The following TENM2 variants were observed in gnomAD, a reference collection of about 807,000 sequenced individuals.
The protein encoded by TENM2 is teneurin transmembrane protein 2, also known as teneurin-2.
A neutral mutation model predicts 245.2 loss-of-function variants in TENM2; 52 were observed. That is an observed-to-expected ratio of 0.21 (90% CI 0.17 to 0.27). The LOEUF (loss-of-function observed/expected upper bound fraction) is 0.27, where lower values mean the gene tolerates loss of function less well. Among genes scored for constraint, TENM2 ranks in the 10% least tolerant of loss-of-function variants. TENM2 has a pLI of 1.00. For synonymous variants in TENM2, 1,363 were observed against 1,438.9 expected (o/e 0.95, Z 1.19); for missense variants, 3,046 against 3,666.8 (o/e 0.83, Z 4.37).
chr5:167,112,266 T>C, the TENM2 span, among the ~76,000 whole-genome samples: 8 of 152,220 alleles, frequency 5.3e-5, no homozygotes, highest in African/African-American at 1.7e-4. Flanking sequence ...TTTCTCCTTT[T>C]CACACACGGT....
chr5:167,504,215 C>A (rs1253568035), intron 2 of TENM2, among the ~76,000 whole-genome samples: 2 of 152,164 alleles, frequency 1.3e-5, no homozygotes, highest in Non-Finnish European at 2.9e-5. Flanking sequence ...TATTAGGCAA[C>A]TGGCATTATT....
At chr5:168,203,555 C>G in intron 17 of TENM2, 134 bp from the exon 20 acceptor site, 1 of 832,636 alleles carries the variant, frequency 1.2e-6, no homozygotes, top group East Asian at 2.9e-5. Context: ...ATCAGCCTGC[C>G]TCTTTGAGTG....
At chr5:167,972,953 C>G (rs537472535) in intron 4 of TENM2, among the ~76,000 whole-genome samples, 20 of 152,220 alleles carry the variant, frequency 1.3e-4, no homozygotes, top group African/African-American at 4.8e-4. Flanking sequence ...CATTCCCAGA[C>G]TGTGCTACAG....
rs1478540216 is a variant in TENM2 at position 167,841,058 on chromosome 5, C to A, written c.503-34928C>A. 6.7e-5 allele frequency among the ~76,000 whole-genome samples: 7 copies of A among 104,950 alleles called. No homozygotes were observed. The East Asian group carries it at 1.8e-3, about 28-fold the overall frequency. The allele number at this position is 104,950 out of a possible 152,430, so 68.9% of individuals were successfully genotyped here. ...TCATTTTTATGTAAAAATTGTCATC[C>A]TCATTTTTTTTTTTTGAGATGGGAG... On this transcript the variant is annotated intron_variant, in intron 2 of 28. Transcript: ENST00000518659.
intron 2 of TENM2, among the ~76,000 whole-genome samples, chr5:167,423,383 T>C (rs1159190725): frequency 1.3e-5 from 2 of 152,180 alleles, no homozygotes; most frequent in Non-Finnish European, 1.5e-5. Context: ...GTTGGTAAAC[T>C]GGGTTGATTT....
At chr5:167,674,105 C>T (rs897443171) in intron 2 of TENM2, among the ~76,000 whole-genome samples, 8 of 152,120 alleles carry the variant, frequency 5.3e-5, no homozygotes, top group Non-Finnish European at 8.8e-5. Context: ...ATTACATTCT[C>T]TTTAAAAGAG....
At chr5:167,907,420 C>G (rs1157849993) in intron 3 of TENM2, among the ~76,000 whole-genome samples, 1 of 149,936 alleles carries the variant, frequency 6.7e-6, no homozygotes, top group Non-Finnish European at 1.5e-5. Context: ...TCACTAATAA[C>G]ACTAACTGAT....
chr5:167,989,271 AG>A (rs1783483183), intron 4 of TENM2, among the ~76,000 whole-genome samples: 1 of 61,814 alleles, frequency 1.6e-5, no homozygotes, highest in Non-Finnish European at 2.9e-5. Context: ...ATAGAGAAAG[AG>A]AGAGAGAGAG....
At chr5:167,561,215 A>C (rs2127640609) in intron 2 of TENM2, among the ~76,000 whole-genome samples, 1 of 152,346 alleles carries the variant, frequency 6.6e-6, no homozygotes, top group Non-Finnish European at 1.5e-5. Context: ...AACCTGATGC[A>C]ACCTGATTAA....
At chr5:167,380,399 C>T (rs952754060) in intron 2 of TENM2, among the ~76,000 whole-genome samples, 2 of 152,056 alleles carry the variant, frequency 1.3e-5, no homozygotes, top group East Asian at 1.9e-4. Context: ...TAGAGGTTTA[C>T]GTTTTTGGCA....
At chr5:167,428,337 T>C (rs1764005150) in intron 2 of TENM2, among the ~76,000 whole-genome samples, 1 of 152,200 alleles carries the variant, frequency 6.6e-6, no homozygotes, top group Non-Finnish European at 1.5e-5. Context: ...AAATTTTAGT[T>C]AGGTAAATTT....
At chr5:167,583,903 T>C (rs1420074265) in intron 2 of TENM2, among the ~76,000 whole-genome samples, 1 of 152,206 alleles carries the variant, frequency 6.6e-6, no homozygotes, top group Non-Finnish European at 1.5e-5. Context: ...CTCCAGTTTG[T>C]CCCTGGCTAA....
chr5:167,627,013 C>T (rs1236246855), intron 2 of TENM2, among the ~76,000 whole-genome samples: 1 of 152,160 alleles, frequency 6.6e-6, no homozygotes, highest in African/African-American at 2.4e-5. Context: ...GGGAGCATAA[C>T]AATGACATGA....
At chr5:167,895,007 A>AGGG (rs1775100383) in intron 3 of TENM2, among the ~76,000 whole-genome samples, 18 of 126,886 alleles carry the variant, frequency 1.4e-4, no homozygotes, top group Non-Finnish European at 6.6e-5. Flanking sequence ...GGAAGGAAGG[A>AGGG]AGGGAGGGAG....
intron 13 of TENM2, among the ~76,000 whole-genome samples, chr5:168,176,092 A>G (rs1671860720): frequency 6.6e-6 from 1 of 152,142 alleles, no homozygotes; most frequent in Admixed American, 6.5e-5. Flanking sequence ...TGATTTCTTA[A>G]TAGCTTTCCA....
chr5:168,109,252 TATATGCTTTG>T (rs1196850584), intron 9 of TENM2, among the ~76,000 whole-genome samples: 6 of 152,160 alleles, frequency 3.9e-5, no homozygotes, highest in African/African-American at 1.2e-4. Flanking sequence ...GTGCACTTGG[TATATGCTTTG>T]CAGACAGCAA....
chr5:167,941,783 A>C (rs533709332), intron 3 of TENM2, among the ~76,000 whole-genome samples: 3 of 152,050 alleles, frequency 2.0e-5, no homozygotes, highest in Admixed American at 6.6e-5. Flanking sequence ...GAGCCCAGGA[A>C]TTCGAGGTTA....
intron 2 of TENM2, among the ~76,000 whole-genome samples, chr5:167,408,831 A>G (rs576049793): frequency 6.7e-6 from 1 of 150,236 alleles, no homozygotes; most frequent in East Asian, 2.0e-4. Context: ...TAGTGTATAT[A>G]TATGTCTAAT....
the TENM2 span, among the ~76,000 whole-genome samples, chr5:167,036,879 A>G: frequency 6.6e-6 from 1 of 152,086 alleles, no homozygotes; most frequent in African/African-American, 2.4e-5. Context: ...ACTTCTTATG[A>G]TCTCTTACCA....
Sources: gnomAD v4.1 joint callset for allele counts (sites outside exome capture counted in the v4.1 genomes callset) on GRCh38, gnomAD v4.1.1 for gene constraint, MANE v1.5 for transcripts, NCBI Gene and HGNC (gene_info 2026-07-23, HGNC 2026-07-21) for gene names.